The following PIBF1 variants were observed in gnomAD, a reference collection of about 807,000 sequenced individuals.
PIBF1 encodes the protein progesterone immunomodulatory binding factor 1.
Under a neutral mutation model 112.5 loss-of-function variants are expected in PIBF1, and 90 were observed. That is an observed-to-expected ratio of 0.80 (90% CI 0.67 to 0.95). The LOEUF (loss-of-function observed/expected upper bound fraction) is 0.95. Ranked by LOEUF, PIBF1 falls within the 40% of genes least tolerant of loss-of-function variation. The pLI, the probability that PIBF1 is intolerant of heterozygous loss-of-function variation, is 0.00. For synonymous variants in PIBF1, 301 were observed against 288.6 expected, an observed-to-expected ratio of 1.04 and a Z score of -0.44; for missense variants, 915 against 852.3, an observed-to-expected ratio of 1.07 and a Z score of -0.92.
intron 14 of PIBF1, among the ~76,000 whole-genome samples, chr13:72,954,876 G>A (rs1033765736): frequency 6.6e-6 from 1 of 152,172 alleles, no homozygotes; most frequent in Non-Finnish European, 1.5e-5. Flanking sequence ...GGAGAGGTAT[G>A]CTAACACTGT....
At chr13:72,822,702 AAATG>A (rs1158790212) in intron 6 of PIBF1, among the ~76,000 whole-genome samples, 3 of 152,368 alleles carry the variant, frequency 2.0e-5, no homozygotes, top group African/African-American at 4.8e-5. Flanking sequence ...AATATTTGTT[AAATG>A]AATGAATGAT....
At chr13:72,844,768 C>CGGATGAAGTCTTACTGTTT (rs1185914483) in intron 9 of PIBF1, among the ~76,000 whole-genome samples, 25 of 106,990 alleles carry the variant, frequency 2.3e-4, no homozygotes, top group African/African-American at 7.7e-4. Context: ...CACACACACA[C>CGGATGAAGTCTTACTGTTT]ACACACACAC....
At chr13:72,801,711 C>T (rs1174223347) in intron 5 of PIBF1, among the ~76,000 whole-genome samples, 1 of 152,136 alleles carries the variant, frequency 6.6e-6, no homozygotes, top group Admixed American at 6.6e-5. Flanking sequence ...AGCAGTTCTC[C>T]AGTAAAATGT....
intron 5 of PIBF1, 95 bp downstream of exon 5, chr13:72,798,121 G>T: frequency 1.5e-6 from 2 of 1,292,540 alleles, no homozygotes; most frequent in South Asian, 3.5e-5. Context: ...GTCAGTGATT[G>T]AAAAATGGGA....
intron 14 of PIBF1, among the ~76,000 whole-genome samples, chr13:72,962,503 G>C (rs781763622): frequency 4.4e-4 from 67 of 151,912 alleles, no homozygotes; most frequent in Non-Finnish European, 8.7e-4. Flanking sequence ...GGAGGCTGAG[G>C]TGGGAGGATT....
intron 12 of PIBF1, among the ~76,000 whole-genome samples, chr13:72,912,739 A>G (rs1318232204): frequency 6.6e-6 from 1 of 152,170 alleles, no homozygotes; most frequent in African/African-American, 2.4e-5. Context: ...GGTTAATCAA[A>G]CCATTATACA....
chr13:72,800,765 GA>G (rs576875309), intron 5 of PIBF1, among the ~76,000 whole-genome samples: 67 of 152,202 alleles, frequency 4.4e-4, no homozygotes, highest in African/African-American at 1.5e-3. Flanking sequence ...TTTTAAAAGG[GA>G]AAACAATAGC....
chr13:72,925,718 T>G (rs993805524), intron 13 of PIBF1, among the ~76,000 whole-genome samples: 1 of 151,870 alleles, frequency 6.6e-6, no homozygotes, highest in Admixed American at 6.6e-5. Context: ...ATTTTTGTAT[T>G]TTTAGGAGAG....
At chr13:72,959,306 A>T (rs1555324655) in intron 14 of PIBF1, among the ~76,000 whole-genome samples, 2 of 151,222 alleles carry the variant, frequency 1.3e-5, no homozygotes, top group Admixed American at 6.6e-5. Context: ...AGAAATCACT[A>T]TTTTTTTTTA....
In PIBF1 at chr13:72,926,229, A is replaced by T. The variant is rs184663532; in HGVS notation, c.1731-4936A>T. Among the ~76,000 whole-genome samples, 56 of 152,298 alleles carry T rather than the reference A, an allele frequency of 3.7e-4. No homozygotes were observed. The East Asian group carries it at 0.01, about 28-fold the overall frequency. Reference sequence around the variant, plus strand: ...AGACCAGTGGTCTCCAAACTTTTTGATACGAATTTTTATTGGGAAAAAATT... The same window carrying T: ...AGACCAGTGGTCTCCAAACTTTTTGTTACGAATTTTTATTGGGAAAAAATT... On this transcript the variant is annotated intron_variant, in intron 13 of 17. Transcript: ENST00000326291.
At chr13:72,951,500 A>T (rs1010956341) in intron 14 of PIBF1, among the ~76,000 whole-genome samples, 1 of 152,138 alleles carries the variant, frequency 6.6e-6, no homozygotes, top group Non-Finnish European at 1.5e-5. Context: ...ATTGTGTCTT[A>T]TAATATCTAA....
intron 13 of PIBF1, among the ~76,000 whole-genome samples, chr13:72,922,801 C>T (rs1293887077): frequency 6.6e-6 from 1 of 152,084 alleles, no homozygotes; most frequent in East Asian, 1.9e-4. Flanking sequence ...TTTGGGATGG[C>T]TTTAGGAATA....
intron 14 of PIBF1, among the ~76,000 whole-genome samples, chr13:72,954,476 G>C (rs1233671378): frequency 6.6e-6 from 1 of 152,236 alleles, no homozygotes; most frequent in Non-Finnish European, 1.5e-5. Context: ...GAGTTACTGA[G>C]CAGACTTCTG....
intron 5 of PIBF1, among the ~76,000 whole-genome samples, chr13:72,820,135 C>T (rs2036482471): frequency 6.6e-6 from 1 of 152,008 alleles, no homozygotes; most frequent in Admixed American, 6.6e-5. Context: ...TTTTTATAAG[C>T]ACTTTACATG....
chr13:72,896,818 A>G (rs1324454116), intron 11 of PIBF1, among the ~76,000 whole-genome samples: 1 of 152,180 alleles, frequency 6.6e-6, no homozygotes, highest in Non-Finnish European at 1.5e-5. Context: ...AACCAAACCT[A>G]AGAGTAATCA....
Position 72,988,855 on chromosome 13 carries a change from G to T in PIBF1, c.2050-9967G>T, listed in dbSNP as rs2043385555. On this transcript the variant is annotated intron_variant, in intron 16 of 17. Coordinates refer to ENST00000326291, the MANE Select transcript of PIBF1 (RefSeq NM_006346.4). ...AGTTCAAGACCAACCTGGCCAACAT[G>T]GTGAAACCCTGTCTCTACTAAAAAT... Among the ~76,000 whole-genome samples, 4 of 151,990 alleles carry T rather than the reference G, an allele frequency of 2.6e-5. No homozygotes were observed. In the South Asian group the frequency reaches 8.3e-4, roughly 32 times the overall value.
At chr13:72,823,524 C>G (rs1593980438) in intron 6 of PIBF1, among the ~76,000 whole-genome samples, 1 of 151,994 alleles carries the variant, frequency 6.6e-6, no homozygotes, top group Non-Finnish European at 1.5e-5. Flanking sequence ...TTAAAAACAT[C>G]GGTCATAAAA....
At chr13:72,865,835 A>G (rs1348049507) in intron 10 of PIBF1, among the ~76,000 whole-genome samples, 1 of 152,194 alleles carries the variant, frequency 6.6e-6, no homozygotes, top group Non-Finnish European at 1.5e-5. Flanking sequence ...ATCAGTAGGT[A>G]TATTTTTGTT....
At chr13:72,895,021 G>T (rs2040222525) in intron 11 of PIBF1, among the ~76,000 whole-genome samples, 2 of 151,058 alleles carry the variant, frequency 1.3e-5, no homozygotes, top group Admixed American at 6.6e-5. Flanking sequence ...CTACTTGGGG[G>T]TTGAGACAGG....
Sources: allele counts gnomAD v4.1 joint callset (sites outside exome capture counted in the v4.1 genomes callset), GRCh38; gene constraint gnomAD v4.1.1; transcripts MANE v1.5; gene names NCBI Gene and HGNC (gene_info 2026-07-23, HGNC 2026-07-21).